The following ZNF285 variants were observed in gnomAD, a reference collection of about 807,000 sequenced individuals.
ZNF285 encodes zinc finger protein 285A.
In ZNF285, 4 loss-of-function variants were observed where a neutral mutation model predicts 6.2. That is an observed-to-expected ratio of 0.65 (90% CI 0.32 to 1.49). The LOEUF is 1.49. Ranked by LOEUF, ZNF285 falls within the 40% of genes most tolerant of loss-of-function variation. The pLI is 0.07. For synonymous variants in ZNF285, 240 were observed against 245.8 expected (o/e 0.98, Z 0.22); for missense variants, 695 against 708.8 (o/e 0.98, Z 0.22).
chr19:44,387,675 A>T lies in ZNF285; in HGVS notation c.570T>A (p.Cys190Ter), dbSNP rs1971116138. Reference protein sequence around the residue: ...QHDDSLSWTSCDHHESQECKG... With the variant: ...QHDDSLSWTS Reference sequence around the variant, plus strand: ...TACATTCTTGGGACTCATGATGATCACATGAGGTCCAACTGAGGCTGTCAT... The same window carrying T: ...TACATTCTTGGGACTCATGATGATCTCATGAGGTCCAACTGAGGCTGTCAT... Residue 190 changes from cysteine (C) to a stop codon, truncating the protein, a stop_gained, in exon 4 of 4, where the codon TGT becomes TGA. Transcript: ENST00000614994. LOFTEE classifies it low-confidence loss of function (END_TRUNC). The T allele has an allele frequency of 6.2e-7, 1 of 1,613,738 alleles. No homozygotes were observed. The highest frequency in any genetic ancestry group is 1.3e-5 in the African/African-American group (1 of 74,884).
chr19:44,396,859 T>A (rs1029490288), intron 2 of ZNF285: 5 of 316,150 alleles, frequency 1.6e-5, no homozygotes, highest in Non-Finnish European at 3.0e-5. Flanking sequence ...ATGCTGCCCA[T>A]GCACTCGGAT....
At chr19:44,392,693 A>G (rs2571122) in intron 2 of ZNF285, 194,270 of 779,468 alleles carry the variant, frequency 0.25, 36,169 homozygotes, top group East Asian at 0.75. Flanking sequence ...GTGTCCTTAC[A>G]TGGCAGAGGG....
intron 3 of ZNF285, among the ~76,000 whole-genome samples, chr19:44,390,910 C>G (rs1005051181): frequency 2.0e-5 from 3 of 151,962 alleles, no homozygotes; most frequent in Non-Finnish European, 2.9e-5. Flanking sequence ...AATCCCAGCA[C>G]TTTGGGAGGC....
At chr19:44,389,784 C>T (rs1417851432) in intron 3 of ZNF285, among the ~76,000 whole-genome samples, 1 of 152,114 alleles carries the variant, frequency 6.6e-6, no homozygotes, top group East Asian at 1.9e-4. Context: ...GATTTCAGGA[C>T]TCACCAAGAG....
chr19:44,399,730 C>T (rs2571144), intron 1 of ZNF285, among the ~76,000 whole-genome samples: 59,544 of 150,310 alleles, frequency 0.4, 15,847 homozygotes, highest in East Asian at 0.75. Flanking sequence ...ACGAACCAGA[C>T]GGCACATTGA....
At chr19:44,399,871 T>C (rs1326399984) in intron 1 of ZNF285, among the ~76,000 whole-genome samples, 2 of 151,430 alleles carry the variant, frequency 1.3e-5, no homozygotes, top group Non-Finnish European at 2.9e-5. Flanking sequence ...CCTTAAGAGG[T>C]AAGGGGAGGG....
At chr19:44,399,557 C>G (rs1971341936) in intron 1 of ZNF285, among the ~76,000 whole-genome samples, 1 of 151,494 alleles carries the variant, frequency 6.6e-6, no homozygotes, top group Non-Finnish European at 1.5e-5. Flanking sequence ...TAAACTCACC[C>G]TCTACTTCCA....
rs988133170 is a variant in ZNF285 at position 44,401,006 on chromosome 19, A to G, written c.-44+562T>C. Among the ~76,000 whole-genome samples the G allele has an allele frequency of 4.7e-4, 71 of 152,058 alleles. 1 individual carries two copies. The highest frequency in any genetic ancestry group is 1.5e-3 in the African/African-American group (61 of 41,362). ...CTGCCTTGAAGTCATAAATGCCCCA[A>G]TGGAGTCAGAGCTGCCAAAATCCAG... On this transcript the variant is annotated intron_variant, in intron 1 of 3. Coordinates refer to ENST00000614994, the MANE Select transcript of ZNF285 (RefSeq NM_152354.6).
At position 44,387,006 on chromosome 19, in the gene ZNF285, G is replaced by T; in HGVS notation, c.1239C>A (p.Ser413=). The T allele has an allele frequency of 6.2e-7, 1 of 1,613,916 alleles. No individual in the cohort carries two copies. Among genetic ancestry groups the T allele is most frequent in the Non-Finnish European group, 8.5e-7 (1 of 1,179,986 alleles). The part of the protein sequence containing the change: ...SECGKCFSSS[S]VLQVHWRFHT... ...GAAACCTCCAGTGGACTTGAAGAAC[G>T]GAGCTTGAACTAAAGCACTTGCCAC... The change falls in exon 4 of 4, where the codon TCC becomes TCA. Residue 413 remains serine (S), a synonymous_variant. Coordinates refer to ENST00000614994, the MANE Select transcript of ZNF285 (RefSeq NM_152354.6).
chr19:44,387,604 C>T lies in ZNF285; in HGVS notation c.641G>A (p.Gly214Asp), dbSNP rs745464239. ...ACGTTTTTCAACCGTTGATTTCATA[C>T]CCAAGTTTTTCCCACAGCTGGGATG... ...GRHPSCGKNL[G>D]MKSTVEKRNA... is the part of the protein sequence containing the mutation. The change falls in exon 4 of 4, where the codon GGT (glycine) becomes GAT (aspartate). Residue 214 changes from glycine to aspartate, a missense_variant. Physicochemically the swap from Gly to Asp is moderately conservative, Grantham distance 94. Coordinates refer to ENST00000614994, the MANE Select transcript of ZNF285 (RefSeq NM_152354.6). 1.2e-6 allele frequency: 2 copies of T among 1,613,912 alleles called. No individual in the cohort carries two copies. Among genetic ancestry groups the T allele is most frequent in the South Asian group, 2.2e-5 (2 of 91,078 alleles).
intron 3 of ZNF285, among the ~76,000 whole-genome samples, chr19:44,390,236 C>T (rs1599959033): frequency 6.6e-6 from 1 of 152,146 alleles, no homozygotes; most frequent in South Asian, 2.1e-4. Flanking sequence ...ACACTCAACA[C>T]CAGCCCATGA....
intron 3 of ZNF285, 172 bp downstream of exon 3, chr19:44,392,168 C>A (rs1471492723): frequency 4.4e-5 from 64 of 1,466,280 alleles, no homozygotes; most frequent in Non-Finnish European, 4.3e-5. Context: ...TCACAAGGGG[C>A]CAGATCTGTA....
At position 44,387,705 on chromosome 19, in the gene ZNF285, C is replaced by T; in HGVS notation, c.540G>A (p.Gln180=). Residue 180 remains glutamine (Q), a synonymous_variant, in exon 4 of 4, where the codon CAG becomes CAA. Coordinates refer to ENST00000614994, the MANE Select transcript of ZNF285 (RefSeq NM_152354.6). ...AGGTCCAACTGAGGCTGTCATCATG[C>T]TGAGCACGTCTGTACAATTTCTCTT... The part of the protein sequence containing the change: ...YMEEKLYRRA[Q]HDDSLSWTSC... 6.2e-7 allele frequency: 1 copy of T among 1,613,858 alleles called. No individual in the cohort carries two copies.
rs963675708 is a variant in ZNF285, at chr19:44,383,257, T to G, written c.*3215A>C. 2 of 152,242 alleles carry G rather than the reference T, an allele frequency of 1.3e-5. No individual in the cohort carries two copies. The highest frequency in any genetic ancestry group is 2.9e-5 in the Non-Finnish European group (2 of 68,046). 9.4% of individuals were successfully genotyped at this position (152,242 alleles called of 1,614,324 possible). A position where few individuals can be genotyped will look rare whatever the true frequency, so the allele number is the denominator to read the frequency against. The stretch of plus-strand genomic sequence containing the variant: ...CCTTCCAATGATTATGTCTCAACAT[T>G]TTTTATTTTGTCTTAATCTCACCCC... On this transcript the variant is annotated 3_prime_UTR_variant, in exon 4 of 4. Coordinates refer to ENST00000614994, the MANE Select transcript of ZNF285 (RefSeq NM_152354.6).
In ZNF285 at chr19:44,383,379, CT is replaced by C. The variant is rs1971029167; in HGVS notation, c.*3092del. 6.6e-6 allele frequency: 1 copy of C among 152,172 alleles called. No individual in the cohort carries two copies. The highest frequency in any genetic ancestry group is 6.5e-5 in the Admixed American group (1 of 15,280). The allele number at this position is 152,172 out of a possible 1,614,324, so 9.4% of individuals were successfully genotyped here. A position where few individuals can be genotyped will look rare whatever the true frequency, so the allele number is the denominator to read the frequency against. ...CTGATGAGGCCTTAAGAGATCACAG[CT>C]TTTGCCCTTGAAACCCTGGCACTAT... On this transcript the variant is annotated 3_prime_UTR_variant, in exon 4 of 4. Transcript: ENST00000614994.
intron 1 of ZNF285, among the ~76,000 whole-genome samples, chr19:44,398,496 C>A (rs1010631853): frequency 6.6e-6 from 1 of 152,142 alleles, no homozygotes; most frequent in Non-Finnish European, 1.5e-5. Flanking sequence ...AGGTCATGGC[C>A]TCCATCAGGC....
Position 44,385,312 on chromosome 19 carries a change from A to T in ZNF285, c.*1160T>A, listed in dbSNP as rs1971052365. On this transcript the variant is annotated 3_prime_UTR_variant, in exon 4 of 4. Coordinates refer to ENST00000614994, the MANE Select transcript of ZNF285 (RefSeq NM_152354.6). ...AGCTGACAAACCTATTCAGCATCCC[A>T]CATTATAGAGTTTCTCTATTATATG... 6.6e-6 allele frequency: 1 copy of T among 152,188 alleles called. No homozygotes were observed. Among genetic ancestry groups the T allele is most frequent in the African/African-American group, 2.4e-5 (1 of 41,430 alleles). 9.4% of individuals were successfully genotyped at this position (152,188 alleles called of 1,614,324 possible). A position where few individuals can be genotyped will look rare whatever the true frequency, so the allele number is the denominator to read the frequency against.
At chr19:44,400,008 C>A (rs942695685) in intron 1 of ZNF285, among the ~76,000 whole-genome samples, 1 of 150,502 alleles carries the variant, frequency 6.6e-6, no homozygotes, top group Admixed American at 6.6e-5. Context: ...ACAAGATACT[C>A]CAACTCACAC....
At position 44,386,397 on chromosome 19, in the gene ZNF285, C is replaced by T. The variant is rs563268816; in HGVS notation, c.*75G>A. ...GTCTTTTGCTCCCCTAGCCCTCCCA[C>T]AGGCTGAGTAAGCCTCTATCATCTG... On this transcript the variant is annotated 3_prime_UTR_variant, in exon 4 of 4. Transcript: ENST00000614994. 2 of 1,491,538 alleles carry T rather than the reference C, an allele frequency of 1.3e-6. No homozygotes were observed. Among genetic ancestry groups the T allele is most frequent in the Admixed American group, 2.0e-5 (1 of 49,348 alleles). The allele number at this position is 1,491,538 out of a possible 1,614,324, so 92.4% of individuals were successfully genotyped here.
Sources: allele counts gnomAD v4.1 joint callset (sites outside exome capture counted in the v4.1 genomes callset), GRCh38; gene constraint gnomAD v4.1.1; transcripts MANE v1.5; gene names NCBI Gene and HGNC (gene_info 2026-07-23, HGNC 2026-07-21).